The following ZC3H12B variants were observed in gnomAD, a reference collection of about 807,000 sequenced individuals.
The protein encoded by ZC3H12B is probable ribonuclease ZC3H12B.
Under a neutral mutation model 43.9 loss-of-function variants are expected in ZC3H12B, and 7 were observed. The ratio of observed to expected loss-of-function variants is 0.16; its 90% confidence interval spans 0.09 to 0.30. ZC3H12B has a LOEUF of 0.30. ZC3H12B is among the 10% of genes least tolerant of loss of function. The pLI is 1.00. For synonymous variants in ZC3H12B, 222 were observed against 241.7 expected (o/e 0.92, Z 0.76); for missense variants, 475 against 670.2 (o/e 0.71, Z 3.22).
the ZC3H12B span, among the ~76,000 whole-genome samples, chrX:65,351,957 T>C: frequency 3.6e-5 from 4 of 112,355 alleles, no homozygotes; most frequent in Admixed American, 1.9e-4. Context: ...TCCAGCAGTC[T>C]CATTACTGGG....
chrX:65,395,168 C>G (rs1173370208), intron 2 of ZC3H12B, among the ~76,000 whole-genome samples: 1 of 111,808 alleles, frequency 8.9e-6, no homozygotes, highest in African/African-American at 3.2e-5. Flanking sequence ...GACAATTTGA[C>G]TTCCTCTCTT....
chrX:65,502,710 G>T (rs766676462), exon 5 of ZC3H12B: 1 of 1,210,202 alleles, frequency 8.3e-7, no homozygotes, highest in East Asian at 3.0e-5. Context: ...ACTGGAACAC[G>T]TTCCAGCTGT....
chrX:65,045,346 C>A, the ZC3H12B span, among the ~76,000 whole-genome samples: 1 of 112,208 alleles, frequency 8.9e-6, no homozygotes, highest in South Asian at 3.7e-4. Context: ...AGAGTCGGTC[C>A]TATCAAATCC....
the ZC3H12B span, among the ~76,000 whole-genome samples, chrX:65,356,015 C>T: frequency 1.8e-5 from 2 of 111,740 alleles, no homozygotes; most frequent in African/African-American, 3.2e-5. Flanking sequence ...GCACACTAAC[C>T]GTATTTTAAA....
chrX:65,454,341 C>A (rs376563636), intron 3 of ZC3H12B, among the ~76,000 whole-genome samples: 86 of 112,550 alleles, frequency 7.6e-4, no homozygotes, highest in African/African-American at 1.3e-3. Context: ...TATCCCACGC[C>A]TGGCTCGGAG....
At chrX:65,109,346 C>T in the ZC3H12B span, among the ~76,000 whole-genome samples, 6 of 111,672 alleles carry the variant, frequency 5.4e-5, 1 homozygote, top group African/African-American at 1.9e-4. Flanking sequence ...TAGCCATCAT[C>T]CCCTAATCAA....
chrX:65,395,162 A>T (rs769613249), intron 2 of ZC3H12B, among the ~76,000 whole-genome samples: 6 of 111,956 alleles, frequency 5.4e-5, no homozygotes, highest in Non-Finnish European at 7.5e-5. Flanking sequence ...AACAGAGACA[A>T]TTTGACTTCC....
the ZC3H12B span, among the ~76,000 whole-genome samples, chrX:65,212,798 A>T: frequency 3.9e-5 from 4 of 102,352 alleles, no homozygotes; most frequent in South Asian, 1.2e-3. Flanking sequence ...CTCTATGAGA[A>T]CATCGACTAT....
chrX:65,258,658 T>C, the ZC3H12B span, among the ~76,000 whole-genome samples: 1 of 111,533 alleles, frequency 9.0e-6, no homozygotes. Flanking sequence ...GATTCTATAC[T>C]AAGAAAAACT....
chrX:65,290,313 A>G, the ZC3H12B span, among the ~76,000 whole-genome samples: 1 of 111,377 alleles, frequency 9.0e-6, no homozygotes, highest in East Asian at 2.8e-4. Flanking sequence ...GGCTATTTAA[A>G]AAAACACAAA....
chrX:65,254,585 T>C, the ZC3H12B span, among the ~76,000 whole-genome samples: 2 of 111,975 alleles, frequency 1.8e-5, no homozygotes, highest in South Asian at 7.4e-4. Context: ...CTTCAAAGAT[T>C]GAAGGAACAT....
the ZC3H12B span, among the ~76,000 whole-genome samples, chrX:65,335,710 C>A: frequency 8.9e-6 from 1 of 111,818 alleles, no homozygotes; most frequent in African/African-American, 3.2e-5. Flanking sequence ...CATTGGGCAG[C>A]TTTCATTGCT....
intron 3 of ZC3H12B, among the ~76,000 whole-genome samples, chrX:65,464,324 C>T (rs1279229806): frequency 1.8e-5 from 2 of 111,733 alleles, no homozygotes; most frequent in Non-Finnish European, 3.8e-5. Context: ...GTTTAGATTT[C>T]AAGTCATTTC....
upstream of ZC3H12B, among the ~76,000 whole-genome samples, chrX:65,486,502 G>A (rs1028124831): frequency 3.6e-5 from 4 of 111,927 alleles, no homozygotes; most frequent in African/African-American, 9.7e-5. Flanking sequence ...ATACACATAG[G>A]CAAACACATG....
the ZC3H12B span, among the ~76,000 whole-genome samples, chrX:65,105,350 C>G: frequency 9.0e-6 from 1 of 111,040 alleles, no homozygotes; most frequent in African/African-American, 3.3e-5. Context: ...CAGCAAACCA[C>G]CATGGCACAT....
At chrX:65,154,189 C>A in the ZC3H12B span, among the ~76,000 whole-genome samples, 3 of 111,212 alleles carry the variant, frequency 2.7e-5, no homozygotes, top group Non-Finnish European at 5.7e-5. Context: ...ATGTAACTAA[C>A]CTGCACATTG....
the ZC3H12B span, among the ~76,000 whole-genome samples, chrX:65,177,345 G>T: frequency 8.9e-6 from 1 of 111,908 alleles, no homozygotes; most frequent in Admixed American, 9.5e-5. Context: ...AAAGCTGGAA[G>T]CATTCCCTTT....
chrX:65,057,412 C>T, the ZC3H12B span, among the ~76,000 whole-genome samples: 7 of 111,686 alleles, frequency 6.3e-5, no homozygotes, highest in Admixed American at 1.9e-4. Context: ...ATATTGGCCC[C>T]CACTCTCTTC....
the ZC3H12B span, among the ~76,000 whole-genome samples, chrX:65,182,009 C>T: frequency 8.9e-6 from 1 of 111,848 alleles, no homozygotes; most frequent in African/African-American, 3.3e-5. Context: ...ACCCAAATGC[C>T]CATCTATGAT....
Sources: allele counts gnomAD v4.1 joint callset (sites outside exome capture counted in the v4.1 genomes callset), GRCh38; gene constraint gnomAD v4.1.1; transcripts MANE v1.5; gene names NCBI Gene and HGNC (gene_info 2026-07-23, HGNC 2026-07-21).